Variants in RHOQ observed in about 807,000 individuals in gnomAD.
The protein encoded by RHOQ is ras homolog family member Q.
RHOQ carries 7 observed loss-of-function variants against 25.8 expected under a neutral mutation model. That is an observed-to-expected ratio of 0.27 (90% confidence interval 0.15 to 0.51). The LOEUF (loss-of-function observed/expected upper bound fraction) is 0.51. RHOQ is among the 20% of genes least tolerant of loss of function. RHOQ has a pLI of 0.97. For missense variants in RHOQ, 165 were observed against 260.6 expected (o/e 0.63, Z 2.53); for synonymous variants, 97 against 98.6 (o/e 0.98, Z 0.10).
chr2:46,580,710 C>G, intron 4 of RHOQ: 1 of 388,780 alleles, frequency 2.6e-6, no homozygotes, highest in Non-Finnish European at 4.6e-6. Context: ...ATAGTAGATA[C>G]CCAGTAAATA....
intron 2 of RHOQ, among the ~76,000 whole-genome samples, chr2:46,544,153 C>T (rs965312207): frequency 5.3e-5 from 8 of 152,046 alleles, no homozygotes; most frequent in African/African-American, 1.9e-4. Flanking sequence ...ATGACCAGGT[C>T]TCCCCCCCAC....
chr2:46,572,235 T>C (rs1363041999), intron 2 of RHOQ, among the ~76,000 whole-genome samples: 1 of 149,838 alleles, frequency 6.7e-6, no homozygotes, highest in African/African-American at 2.5e-5. Context: ...CCTGAGTAGC[T>C]GGGACTGCAG....
intron 2 of RHOQ, among the ~76,000 whole-genome samples, chr2:46,564,879 G>C (rs1157209346): frequency 3.9e-5 from 6 of 152,214 alleles, no homozygotes; most frequent in Non-Finnish European, 8.8e-5. Context: ...AGATAAGTAA[G>C]AGCAGATTCT....
At chr2:46,559,015 G>A (rs1572742890) in intron 2 of RHOQ, among the ~76,000 whole-genome samples, 1 of 152,140 alleles carries the variant, frequency 6.6e-6, no homozygotes, top group African/African-American at 2.4e-5. Context: ...GTGCAGTGGT[G>A]TGATCTAGGC....
rs1356490823 is a variant in RHOQ at position 46,576,581 on chromosome 2, C to T, written c.387C>T (p.Pro129=). The change falls in exon 4 of 5, where the codon CCC becomes CCT. Residue 129 remains proline (P), a synonymous_variant. Transcript: ENST00000238738. This position sits in a 1 kb window ranked among gnomAD's most constrained non-coding sequence, Gnocchi z 5.1. Reference sequence around the variant, plus strand: ...ATTAGATTGATCTCCGAGATGACCCCAAAACTTTAGCAAGACTGAATGATA... The same window carrying T: ...ATTAGATTGATCTCCGAGATGACCCTAAAACTTTAGCAAGACTGAATGATA... ...IGTQIDLRDD[P]KTLARLNDMK... The T allele has an allele frequency of 6.2e-7, 1 of 1,605,484 alleles. No homozygotes were observed. The highest frequency in any genetic ancestry group is 1.3e-5 in the African/African-American group (1 of 74,480).
At chr2:46,561,170 T>C (rs1203810636) in intron 2 of RHOQ, among the ~76,000 whole-genome samples, 1 of 152,060 alleles carries the variant, frequency 6.6e-6, no homozygotes, top group Non-Finnish European at 1.5e-5. Context: ...GATATATATG[T>C]GTGTGTATAT....
intron 2 of RHOQ, among the ~76,000 whole-genome samples, chr2:46,547,568 T>C (rs1393518465): frequency 1.3e-5 from 2 of 152,230 alleles, no homozygotes; most frequent in Non-Finnish European, 2.9e-5. Context: ...GCCAAGCCCA[T>C]GGGTGGTCCA....
In RHOQ at chr2:46,566,167, A is replaced by T. The variant is rs989610810; in HGVS notation, c.202-9920A>T. 6.6e-6 allele frequency among the ~76,000 whole-genome samples: 1 copy of T among 152,138 alleles called. No homozygotes were observed. Among genetic ancestry groups the T allele is most frequent in the African/African-American group, 2.4e-5 (1 of 41,424 alleles). On this transcript the variant is annotated intron_variant, in intron 2 of 4. Transcript: ENST00000238738. This position sits in a 1 kb window ranked among gnomAD's most constrained non-coding sequence, Gnocchi z 4.2. ...TTGAGTGGTGATATCTTCTAGTGAG[A>T]TGGTGAATACAGGAGGAGTTGCAGT...
rs41281473 is a variant in RHOQ, at chr2:46,576,215, C to T, written c.330C>T (p.Tyr110=). 0.019 allele frequency: 30,989 copies of T among 1,611,176 alleles called. 390 individuals carry two copies. The highest frequency in any genetic ancestry group is 0.024 in the Non-Finnish European group (27,844 of 1,178,720). Residue 110 remains tyrosine (Y), a synonymous_variant, in exon 3 of 5, where the codon TAC becomes TAT. Coordinates refer to ENST00000238738, the MANE Select transcript of RHOQ (RefSeq NM_012249.4). This position sits in a 1 kb window ranked among gnomAD's most constrained non-coding sequence, Gnocchi z 5.1. ...KEEWVPELKE[Y]APNVPFLLIG... ...AGTGGGTACCGGAACTTAAGGAATA[C>T]GCACCAAATGTACCCTTTTTATTAA...
intron 4 of RHOQ, among the ~76,000 whole-genome samples, chr2:46,578,108 C>T (rs539487256): frequency 6.6e-6 from 1 of 152,064 alleles, no homozygotes; most frequent in Non-Finnish European, 1.5e-5. Context: ...ATTCACCCCC[C>T]AAAATGCAGA....
At position 46,566,152 on chromosome 2, in the gene RHOQ, A is replaced by G. The variant is rs1485055578; in HGVS notation, c.202-9935A>G. ...GCTTGTGCACCCTGATTGAGTGGTG[A>G]TATCTTCTAGTGAGATGGTGAATAC... On this transcript the variant is annotated intron_variant, in intron 2 of 4. Transcript: ENST00000238738. The surrounding 1 kb of genome is among the most constrained non-coding windows in gnomAD (Gnocchi z 4.2). Among the ~76,000 whole-genome samples the G allele has an allele frequency of 1.3e-5, 2 of 152,186 alleles. No homozygotes were observed. Among genetic ancestry groups the G allele is most frequent in the Non-Finnish European group, 2.9e-5 (2 of 68,030 alleles).
intron 2 of RHOQ, among the ~76,000 whole-genome samples, chr2:46,549,830 A>G (rs925350558): frequency 1.3e-5 from 2 of 152,076 alleles, no homozygotes; most frequent in African/African-American, 4.8e-5. Context: ...GACCTCCTGG[A>G]TGCGTTCTTG....
At chr2:46,543,299 C>G (rs1039514468) in intron 1 of RHOQ, 111 bp downstream of exon 1, 7 of 1,260,228 alleles carry the variant, frequency 5.6e-6, no homozygotes, top group Admixed American at 4.1e-5. Flanking sequence ...CTCCCCTCCC[C>G]CGCCGCGCCC....
intron 2 of RHOQ, chr2:46,568,510 T>A (rs1476911113): frequency 6.6e-6 from 1 of 152,312 alleles, no homozygotes; most frequent in East Asian, 1.9e-4. Flanking sequence ...CATGGCAGTT[T>A]TACTTCAAGA....
chr2:46,560,121 C>T (rs1334091637), intron 2 of RHOQ, among the ~76,000 whole-genome samples: 5 of 152,214 alleles, frequency 3.3e-5, no homozygotes, highest in East Asian at 1.9e-4. Context: ...CAGAAGCAGG[C>T]GCTCTTCTGG....
chr2:46,565,273 G>A (rs1348671646), intron 2 of RHOQ, among the ~76,000 whole-genome samples: 2 of 152,200 alleles, frequency 1.3e-5, no homozygotes, highest in African/African-American at 4.8e-5. Flanking sequence ...CCAGGGGCAT[G>A]TGTCTGAGTG....
intron 2 of RHOQ, among the ~76,000 whole-genome samples, chr2:46,559,131 GTTTGTTTC>G (rs1428178857): frequency 2.6e-5 from 4 of 151,914 alleles, no homozygotes; most frequent in Admixed American, 2.0e-4. Flanking sequence ...TTTTTTGTTT[GTTTGTTTC>G]TTTGGTTTCT....
rs1412954814 is a variant in RHOQ at position 46,566,071 on chromosome 2, T to G, written c.202-10016T>G. ...CAGGGAAACTCACTGGGCAGGTGAC[T>G]GCTTTAGTGTGTGTATTTGTGTTAG... On this transcript the variant is annotated intron_variant, in intron 2 of 4. Coordinates refer to ENST00000238738, the MANE Select transcript of RHOQ (RefSeq NM_012249.4). The surrounding 1 kb of genome is among the most constrained non-coding windows in gnomAD (Gnocchi z 4.2). 6.6e-6 allele frequency among the ~76,000 whole-genome samples: 1 copy of G among 152,194 alleles called. No individual in the cohort carries two copies. The highest frequency in any genetic ancestry group is 1.5e-5 in the Non-Finnish European group (1 of 68,036).
chr2:46,552,388 G>A lies in RHOQ; in HGVS notation c.201+8576G>A, dbSNP rs1353355000. Among the ~76,000 whole-genome samples the A allele has an allele frequency of 2.0e-5, 3 of 152,200 alleles. No homozygotes were observed. The highest frequency in any genetic ancestry group is 4.4e-5 in the Non-Finnish European group (3 of 68,042). ...AGAGGGACAGGGAAATGCTGTTTGG[G>A]GGGCTGCCAGGCGGGCCAGCTTTAG... On this transcript the variant is annotated intron_variant, in intron 2 of 4. Transcript: ENST00000238738. The surrounding 1 kb of genome is among the most constrained non-coding windows in gnomAD (Gnocchi z 5.0).
Sources: gnomAD v4.1 joint callset for allele counts (sites outside exome capture counted in the v4.1 genomes callset) on GRCh38, gnomAD v4.1.1 for gene constraint, Gnocchi (gnomAD v3.1) non-coding constraint, MANE v1.5 for transcripts, NCBI Gene and HGNC (gene_info 2026-07-23, HGNC 2026-07-21) for gene names.